ZNF268: variants seen among roughly 807,000 people sequenced by gnomAD.
ZNF268 encodes the protein zinc finger protein 3.
In ZNF268, 20 loss-of-function variants were observed where a neutral mutation model predicts 29.3. That is an observed-to-expected ratio of 0.68 (90% CI 0.48 to 0.99). The LOEUF (loss-of-function observed/expected upper bound fraction) is 0.99, where lower values mean the gene tolerates loss of function less well. ZNF268 is among the 50% of genes least tolerant of loss of function. The pLI is 0.00. For missense variants in ZNF268, 1,240 were observed against 1,121.6 expected, an observed-to-expected ratio of 1.11 and a Z score of -1.51; for synonymous variants, 429 against 376.9, an observed-to-expected ratio of 1.14 and a Z score of -1.60.
At chr12:133,196,437 T>C (rs933871855) in intron 5 of ZNF268, among the ~76,000 whole-genome samples, 1 of 152,098 alleles carries the variant, frequency 6.6e-6, no homozygotes, top group African/African-American at 2.4e-5. Context: ...TTTGCCATTA[T>C]TGTTACAAAG....
intron 5 of ZNF268, among the ~76,000 whole-genome samples, chr12:133,194,747 T>C (rs1302726375): frequency 6.6e-6 from 1 of 152,126 alleles, no homozygotes; most frequent in Non-Finnish European, 1.5e-5. Context: ...ATCACCTAGA[T>C]GGGGGTGGAA....
At chr12:133,192,073 CTT>C in intron 5 of ZNF268, 70 bp downstream of exon 5, 1 of 1,206,184 alleles carries the variant, frequency 8.3e-7, no homozygotes, top group Non-Finnish European at 1.2e-6. Flanking sequence ...ATGTGCTCCT[CTT>C]GTTTGTACTT....
intron 5 of ZNF268, among the ~76,000 whole-genome samples, chr12:133,197,027 T>C (rs745791366): frequency 1.5e-5 from 2 of 129,068 alleles, no homozygotes; most frequent in Non-Finnish European, 3.4e-5. Context: ...CTAGATCCTT[T>C]CTTTTTTTTT....
Position 133,202,103 on chromosome 12 carries a change from C to A in ZNF268, c.458-41C>A, listed in dbSNP as rs1555303999. On this transcript the variant is annotated intron_variant, in intron 5 of 5. Coordinates refer to ENST00000536435, the MANE Select transcript of ZNF268 (RefSeq NM_003415.3). ...AGGCAACTTTCTAGTATACCGCAATCATGTGATTTATAACATGTGACCAAT... is the reference window on the plus strand; with the variant it reads ...AGGCAACTTTCTAGTATACCGCAATAATGTGATTTATAACATGTGACCAAT... The A allele has an allele frequency of 3.4e-6, 5 of 1,476,082 alleles. No individual in the cohort carries two copies. In the South Asian group the frequency reaches 4.2e-5, roughly 12 times the overall value. 91.4% of individuals were successfully genotyped at this position (1,476,082 alleles called of 1,614,324 possible).
In ZNF268 at chr12:133,192,004, G is replaced by A. The variant is rs763430948; in HGVS notation, c.457+1G>A. On this transcript the variant is annotated splice_donor_variant, in intron 5 of 5. Coordinates refer to ENST00000536435, the MANE Select transcript of ZNF268 (RefSeq NM_003415.3). LOFTEE classifies it high-confidence loss of function. ...CAAGTTCCAAATCAGACCTGTCCAA[G>A]TGAGTGATGGAGACAAATCTTTTCT... 8.1e-6 allele frequency: 13 copies of A among 1,601,990 alleles called. No individual in the cohort carries two copies. The highest frequency in any genetic ancestry group is 1.1e-5 in the Non-Finnish European group (13 of 1,171,814).
rs1185168896 is a variant in ZNF268 at position 133,212,950 on chromosome 12, A to T, written c.*8420A>T. 1 of 152,204 alleles carries T rather than the reference A, an allele frequency of 6.6e-6. No homozygotes were observed. Among genetic ancestry groups the T allele is most frequent in the Non-Finnish European group, 1.5e-5 (1 of 68,050 alleles). 9.4% of individuals were successfully genotyped at this position (152,204 alleles called of 1,614,324 possible). On this transcript the variant is annotated 3_prime_UTR_variant, in exon 6 of 6. Transcript: ENST00000536435. ...CTGCAACCTCCGCCTCCTAGGTTTA[A>T]GTGATTCTCCTTCCTCGGCCTCCTG...
At chr12:133,188,903 G>C (rs978644779) in intron 3 of ZNF268, among the ~76,000 whole-genome samples, 1 of 151,994 alleles carries the variant, frequency 6.6e-6, no homozygotes, top group African/African-American at 2.4e-5. Context: ...AACTTTTACT[G>C]AGTCTGGATT....
In ZNF268 at chr12:133,204,128, G is replaced by C; in HGVS notation, c.2442G>C (p.Gly814=). 1 of 1,544,416 alleles carries C rather than the reference G, an allele frequency of 6.5e-7. No individual in the cohort carries two copies. Among genetic ancestry groups the C allele is most frequent in the Non-Finnish European group, 8.7e-7 (1 of 1,147,670 alleles). The change falls in exon 6 of 6, where the codon GGG becomes GGC. Residue 814 remains glycine, a synonymous_variant. Coordinates refer to ENST00000536435, the MANE Select transcript of ZNF268 (RefSeq NM_003415.3). ...GEKPYECNEC[G]KAFIWKSLLI... The stretch of plus-strand genomic sequence containing the variant: ...AACCATATGAATGTAATGAATGTGG[G>C]AAAGCCTTCATTTGGAAATCACTAC...
chr12:133,185,177 C>G (rs1956277934), intron 2 of ZNF268, among the ~76,000 whole-genome samples: 1 of 134,646 alleles, frequency 7.4e-6, no homozygotes, highest in Non-Finnish European at 1.6e-5. Context: ...GAGTGAGACT[C>G]TGTCTCAAAA....
chr12:133,196,291 C>T (rs1369114358), intron 5 of ZNF268, among the ~76,000 whole-genome samples: 1 of 146,844 alleles, frequency 6.8e-6, no homozygotes, highest in East Asian at 2.0e-4. Context: ...CACTGCACTC[C>T]AGCCTGGCGA....
intron 5 of ZNF268, among the ~76,000 whole-genome samples, chr12:133,195,786 C>T (rs981786750): frequency 2.6e-5 from 4 of 151,558 alleles, no homozygotes; most frequent in East Asian, 2.0e-4. Flanking sequence ...GGTGCGATCT[C>T]GACTCACTGC....
At position 133,202,296 on chromosome 12, in the gene ZNF268, G is replaced by A. The variant is rs760663532; in HGVS notation, c.610G>A (p.Gly204Ser). ...TTCAAGACAAAAACCTCATAAATGTGGCACGCATGGAAAGAGTTTGAAATA... is the reference window on the plus strand; with the variant it reads ...TTCAAGACAAAAACCTCATAAATGTAGCACGCATGGAAAGAGTTTGAAATA... ...YLSRQKPHKC[G>S]THGKSLKYID... Residue 204 changes from glycine (G) to serine (S), a missense_variant, in exon 6 of 6, where the codon GGC becomes AGC. Gly to Ser is a moderately conservative substitution (Grantham distance 56, BLOSUM62 0). Coordinates refer to ENST00000536435, the MANE Select transcript of ZNF268 (RefSeq NM_003415.3). 6.2e-7 allele frequency: 1 copy of A among 1,612,506 alleles called. No individual in the cohort carries two copies. Among genetic ancestry groups the A allele is most frequent in the Non-Finnish European group, 8.5e-7 (1 of 1,179,232 alleles).
At chr12:133,195,993 A>G (rs1301746923) in intron 5 of ZNF268, among the ~76,000 whole-genome samples, 1 of 148,900 alleles carries the variant, frequency 6.7e-6, no homozygotes, top group Non-Finnish European at 1.5e-5. Context: ...TACAGGCATG[A>G]ACCACTATGC....
intron 3 of ZNF268, 43 bp downstream of exon 3, chr12:133,188,115 CTTTT>C: frequency 1.5e-6 from 2 of 1,328,130 alleles, no homozygotes; most frequent in Non-Finnish European, 2.0e-6. Flanking sequence ...TCTTTATTAC[CTTTT>C]TTTTTTTTGG....
chr12:133,188,232 T>C, intron 3 of ZNF268, 160 bp downstream of exon 3: 1 of 661,936 alleles, frequency 1.5e-6, no homozygotes, highest in Middle Eastern at 4.2e-4. Context: ...GGTCTTGGTC[T>C]GTTGCCCAGA....
At chr12:133,184,233 A>G (rs1269204692) in intron 2 of ZNF268, among the ~76,000 whole-genome samples, 1 of 151,892 alleles carries the variant, frequency 6.6e-6, no homozygotes, top group Non-Finnish European at 1.5e-5. Context: ...AGCCTCCCAA[A>G]TAGGACTACA....
chr12:133,208,532 G>A lies in ZNF268; in HGVS notation c.*4002G>A, dbSNP rs757354800. On this transcript the variant is annotated 3_prime_UTR_variant, in exon 6 of 6. Coordinates refer to ENST00000536435, the MANE Select transcript of ZNF268 (RefSeq NM_003415.3). ...CAGCCAGGTGTAGTGGCAAGTGCCG[G>A]TAGTCCCACCTACTGAGGAGGCTGA... is the stretch of plus-strand genomic sequence containing the variant. 1.3e-5 allele frequency: 2 copies of A among 152,236 alleles called. No individual in the cohort carries two copies. Among genetic ancestry groups the A allele is most frequent in the Non-Finnish European group, 2.9e-5 (2 of 68,094 alleles). 9.4% of individuals were successfully genotyped at this position (152,236 alleles called of 1,614,324 possible).
intron 5 of ZNF268, among the ~76,000 whole-genome samples, chr12:133,195,383 T>G (rs1343581520): frequency 6.6e-6 from 1 of 152,198 alleles, no homozygotes; most frequent in Non-Finnish European, 1.5e-5. Flanking sequence ...TAAGAATGCC[T>G]GATCATGTTC....
chr12:133,208,945 A>ATT lies in ZNF268; in HGVS notation c.*4431_*4432dup, dbSNP rs36152335. ...GCTCCTTATATGGCATAGTATTTGC[A>ATT]TTTTTTTTTTTTTTTTTGAGATGGA... is the stretch of plus-strand genomic sequence containing the variant. On this transcript the variant is annotated 3_prime_UTR_variant, in exon 6 of 6. Coordinates refer to ENST00000536435, the MANE Select transcript of ZNF268 (RefSeq NM_003415.3). 0.34 allele frequency: 44,853 copies of ATT among 130,284 alleles called. 8,704 individuals are homozygous for ATT. Among genetic ancestry groups the ATT allele is most frequent in the East Asian group, 0.72 (3,124 of 4,340 alleles). 8.1% of individuals were successfully genotyped at this position (130,284 alleles called of 1,614,324 possible). A position where few individuals can be genotyped will look rare whatever the true frequency, so the allele number is the denominator to read the frequency against.
Sources: allele counts gnomAD v4.1 joint callset (sites outside exome capture counted in the v4.1 genomes callset), GRCh38; gene constraint gnomAD v4.1.1; transcripts MANE v1.5; gene names NCBI Gene and HGNC (gene_info 2026-07-23, HGNC 2026-07-21).